CTNNBL1: variants seen among roughly 807,000 people sequenced by gnomAD.
CTNNBL1 encodes beta-catenin-like protein 1.
In CTNNBL1, 31 loss-of-function variants were observed where a neutral mutation model predicts 72.7. The observed-to-expected ratio is 0.43, with a 90% CI of 0.32 to 0.58. The LOEUF is 0.58. CTNNBL1 is among the 20% of genes least tolerant of loss of function. The pLI is 0.08. For missense variants in CTNNBL1, 534 were observed against 725.1 expected, an observed-to-expected ratio of 0.74 and a Z score of 3.03; for synonymous variants, 240 against 267.3, an observed-to-expected ratio of 0.90 and a Z score of 1.00.
intron 1 of CTNNBL1, among the ~76,000 whole-genome samples, chr20:37,709,924 G>A (rs2072922554): frequency 6.6e-6 from 1 of 152,174 alleles, no homozygotes; most frequent in Non-Finnish European, 1.5e-5. Flanking sequence ...GTGGCAAGAC[G>A]ATCTATTCCA....
At chr20:37,769,099 A>G (rs1433940274) in intron 7 of CTNNBL1, among the ~76,000 whole-genome samples, 1 of 152,190 alleles carries the variant, frequency 6.6e-6, no homozygotes, top group Non-Finnish European at 1.5e-5. Context: ...ACTTTATTAT[A>G]GGTACATATA....
chr20:37,803,021 G>T lies in CTNNBL1; in HGVS notation c.1186G>T (p.Val396Leu). Residue 396 changes from valine (V) to leucine (L), a missense_variant, in exon 11 of 16, where the codon GTG (valine) becomes TTG (leucine). Coordinates refer to ENST00000361383, the MANE Select transcript of CTNNBL1 (RefSeq NM_030877.5). ...GAAATCTCCCAGGAAGATCAAGAAA[G>T]TGGGAACCACTGAGAAGGAACATGA... ...FMKSPRKIKK[V>L]GTTEKEHEEH... The T allele has an allele frequency of 6.2e-7, 1 of 1,614,100 alleles. No individual in the cohort carries two copies. Among genetic ancestry groups the T allele is most frequent in the Non-Finnish European group, 8.5e-7 (1 of 1,179,992 alleles).
At chr20:37,744,133 T>C (rs1230624731) in intron 3 of CTNNBL1, among the ~76,000 whole-genome samples, 1 of 152,134 alleles carries the variant, frequency 6.6e-6, no homozygotes, top group Non-Finnish European at 1.5e-5. Flanking sequence ...CTAATAAGAA[T>C]GGGCAAAGAA....
In CTNNBL1 at chr20:37,746,398, T is replaced by G; in HGVS notation, c.327-70T>G. 5 of 1,539,652 alleles carry G rather than the reference T, an allele frequency of 3.2e-6. No individual in the cohort carries two copies. In the South Asian group the frequency reaches 4.6e-5, roughly 14 times the overall value. The stretch of plus-strand genomic sequence containing the variant: ...TTGACAGATTGCCTTGTTGTCTAGA[T>G]TGTTGCTGTTTGCTCCTCATTGCTG... On this transcript the variant is annotated intron_variant, in intron 3 of 15. Transcript: ENST00000361383.
intron 10 of CTNNBL1, among the ~76,000 whole-genome samples, chr20:37,799,475 G>A (rs2073805641): frequency 6.6e-6 from 1 of 152,128 alleles, no homozygotes; most frequent in Non-Finnish European, 1.5e-5. Context: ...ACTCCCAACA[G>A]TGTCCTTGCT....
intron 1 of CTNNBL1, among the ~76,000 whole-genome samples, chr20:37,724,349 G>A (rs1030453299): frequency 1.3e-5 from 2 of 152,096 alleles, no homozygotes; most frequent in African/African-American, 4.8e-5. Context: ...AAGAAGGATT[G>A]CTGTCTTGAA....
At chr20:37,768,903 C>A (rs1375439665) in intron 7 of CTNNBL1, among the ~76,000 whole-genome samples, 1 of 152,022 alleles carries the variant, frequency 6.6e-6, no homozygotes, top group Non-Finnish European at 1.5e-5. Context: ...CTCAGCTTCC[C>A]GAGTAGCTGG....
At chr20:37,866,526 A>T (rs1568819012) in intron 15 of CTNNBL1, among the ~76,000 whole-genome samples, 1 of 152,192 alleles carries the variant, frequency 6.6e-6, no homozygotes, top group Non-Finnish European at 1.5e-5. Context: ...TGCTGTATGT[A>T]CAGTGCTCGC....
chr20:37,823,689 G>A (rs1020641116), intron 11 of CTNNBL1, among the ~76,000 whole-genome samples: 1 of 152,234 alleles, frequency 6.6e-6, no homozygotes, highest in African/African-American at 2.4e-5. Flanking sequence ...GGCATCCAGG[G>A]AGGATTTTCA....
chr20:37,742,643 T>C (rs1020456339), intron 3 of CTNNBL1, among the ~76,000 whole-genome samples: 7 of 152,210 alleles, frequency 4.6e-5, no homozygotes, highest in African/African-American at 1.7e-4. Context: ...TGTCAGCTGC[T>C]GTGCTTACTG....
At chr20:37,713,644 T>C (rs2072959438) in intron 1 of CTNNBL1, among the ~76,000 whole-genome samples, 1 of 152,216 alleles carries the variant, frequency 6.6e-6, no homozygotes, top group Non-Finnish European at 1.5e-5. Flanking sequence ...TCTGCACTAA[T>C]GGCAGATTTG....
At chr20:37,865,536 ATT>A (rs2072529973) in intron 15 of CTNNBL1, among the ~76,000 whole-genome samples, 1 of 152,034 alleles carries the variant, frequency 6.6e-6, no homozygotes, top group Non-Finnish European at 1.5e-5. Flanking sequence ...GGCAGCCACT[ATT>A]CTGCATTCTG....
intron 11 of CTNNBL1, among the ~76,000 whole-genome samples, chr20:37,808,263 C>T (rs1048405386): frequency 6.6e-6 from 1 of 152,186 alleles, no homozygotes; most frequent in Admixed American, 6.5e-5. Flanking sequence ...AGGAAGCATA[C>T]GGCTGCCTTG....
intron 2 of CTNNBL1, among the ~76,000 whole-genome samples, chr20:37,733,371 A>C (rs1329428289): frequency 6.6e-6 from 1 of 152,144 alleles, no homozygotes; most frequent in African/African-American, 2.4e-5. Flanking sequence ...TTATCTTTGA[A>C]AGAGGGGTCA....
chr20:37,856,817 G>A (rs1390874400), intron 13 of CTNNBL1, among the ~76,000 whole-genome samples: 2 of 152,102 alleles, frequency 1.3e-5, no homozygotes, highest in Non-Finnish European at 2.9e-5. Flanking sequence ...CTAGAAGTTT[G>A]TGACTTCCAC....
chr20:37,696,917 C>T (rs919485984), intron 1 of CTNNBL1, among the ~76,000 whole-genome samples: 41 of 152,010 alleles, frequency 2.7e-4, no homozygotes, highest in Non-Finnish European at 5.1e-4. Flanking sequence ...TGTGGTAGCT[C>T]ATGCCTGTAA....
chr20:37,729,049 T>C (rs2073108681), intron 1 of CTNNBL1, among the ~76,000 whole-genome samples: 1 of 152,230 alleles, frequency 6.6e-6, no homozygotes, highest in Non-Finnish European at 1.5e-5. Context: ...TCAAACCTTA[T>C]AACTCTTTAG....
intron 5 of CTNNBL1, among the ~76,000 whole-genome samples, chr20:37,760,570 C>A (rs568633600): frequency 1.3e-5 from 2 of 152,354 alleles, no homozygotes; most frequent in Admixed American, 1.3e-4. Flanking sequence ...GTGGTCAGAG[C>A]AGTGACTTTG....
chr20:37,867,733 C>T (rs1489033884), intron 15 of CTNNBL1, among the ~76,000 whole-genome samples: 2 of 152,062 alleles, frequency 1.3e-5, no homozygotes, highest in Non-Finnish European at 2.9e-5. Context: ...ACACATGCAG[C>T]AGAGAGAACT....
Sources: gnomAD v4.1 joint callset for allele counts (sites outside exome capture counted in the v4.1 genomes callset) on GRCh38, gnomAD v4.1.1 for gene constraint, MANE v1.5 for transcripts, NCBI Gene and HGNC (gene_info 2026-07-23, HGNC 2026-07-21) for gene names.